The following AR variants were observed in gnomAD, a reference collection of about 807,000 sequenced individuals.
The protein encoded by AR is androgen receptor.
In AR, 8 loss-of-function variants were observed where a neutral mutation model predicts 53.9. The ratio of observed to expected loss-of-function variants is 0.15; its 90% confidence interval spans 0.09 to 0.27. The LOEUF is 0.27. Ranked by LOEUF, AR falls within the 10% of genes least tolerant of loss-of-function variation. AR has a pLI of 1.00. For missense variants in AR, 639 were observed against 742.5 expected, an observed-to-expected ratio of 0.86 and a Z score of 1.62; for synonymous variants, 359 against 316.4, an observed-to-expected ratio of 1.13 and a Z score of -1.43.
At position 67,644,215 on chromosome X, in the gene AR, T is replaced by C. The variant is rs182483821; in HGVS notation, c.1768+808T>C. Among the ~76,000 whole-genome samples, 3 of 111,943 alleles carry C rather than the reference T, an allele frequency of 2.7e-5. No individual in the cohort carries two copies. In the Admixed American group the frequency reaches 2.8e-4, roughly 11 times the overall value. ...TATATACGGTAATGTCTCCTTCCTCTAACCACCCAGGGCTTAAGCTTCCTG... is the reference window on the plus strand; with the variant it reads ...TATATACGGTAATGTCTCCTTCCTCCAACCACCCAGGGCTTAAGCTTCCTG... On this transcript the variant is annotated intron_variant, in intron 2 of 7. Coordinates refer to ENST00000374690, the MANE Select transcript of AR (RefSeq NM_000044.6).
intron 3 of AR, among the ~76,000 whole-genome samples, chrX:67,705,351 A>C (rs1360849795): frequency 9.0e-6 from 1 of 111,191 alleles, no homozygotes; most frequent in Non-Finnish European, 1.9e-5. Flanking sequence ...CTCCTTGAAG[A>C]GGTCCTTCAC....
At chrX:67,695,695 A>ACTTGCCTG in intron 3 of AR, 2 of 749,763 alleles carry the variant, frequency 2.7e-6, no homozygotes, top group South Asian at 1.4e-4. Flanking sequence ...ACTCTCCCTG[A>ACTTGCCTG]CTTGCCTGGG....
intron 1 of AR, among the ~76,000 whole-genome samples, chrX:67,624,556 A>G (rs750230478): frequency 9.0e-6 from 1 of 111,527 alleles, no homozygotes; most frequent in Admixed American, 9.6e-5. Flanking sequence ...AACCAAAGAT[A>G]TGACACAAAA....
chrX:67,629,146 C>A (rs1290610112), intron 1 of AR, among the ~76,000 whole-genome samples: 1 of 110,760 alleles, frequency 9.0e-6, no homozygotes, highest in African/African-American at 3.3e-5. Flanking sequence ...ATGATGCTGG[C>A]CTCATAAAAT....
chrX:67,661,980 C>T (rs763430406), intron 2 of AR, among the ~76,000 whole-genome samples: 1 of 111,731 alleles, frequency 9.0e-6, no homozygotes, highest in Admixed American at 9.5e-5. Flanking sequence ...TATTTGCATA[C>T]AGGTGTTTAT....
At chrX:67,612,878 G>C (rs1446422828) in intron 1 of AR, among the ~76,000 whole-genome samples, 2 of 111,892 alleles carry the variant, frequency 1.8e-5, no homozygotes, top group Admixed American at 9.5e-5. Context: ...GAAGATGGAG[G>C]CTTCCTCTCT....
intron 2 of AR, among the ~76,000 whole-genome samples, chrX:67,661,257 A>C (rs1926896680): frequency 9.0e-6 from 1 of 110,837 alleles, no homozygotes; most frequent in African/African-American, 3.3e-5. Context: ...TATGTTGAAT[A>C]GGAGTGGTGA....
intron 1 of AR, among the ~76,000 whole-genome samples, chrX:67,606,497 A>G (rs1440829903): frequency 8.9e-6 from 1 of 111,855 alleles, no homozygotes; most frequent in East Asian, 2.8e-4. Flanking sequence ...TGAAATAGAC[A>G]ACACATTATT....
intron 3 of AR, among the ~76,000 whole-genome samples, chrX:67,701,462 T>C (rs2076041791): frequency 8.9e-6 from 1 of 111,902 alleles, no homozygotes; most frequent in East Asian, 2.8e-4. Context: ...CCTCCCCATC[T>C]TTGACTTGAA....
intron 1 of AR, among the ~76,000 whole-genome samples, chrX:67,626,263 T>A (rs1056149699): frequency 2.0e-4 from 22 of 109,438 alleles, no homozygotes; most frequent in Admixed American, 4.0e-4. Flanking sequence ...TCCTCTTATC[T>A]CCATGAGTTC....
At chrX:67,610,576 A>T (rs1223006833) in intron 1 of AR, among the ~76,000 whole-genome samples, 1 of 110,927 alleles carries the variant, frequency 9.0e-6, no homozygotes, top group Non-Finnish European at 1.9e-5. Context: ...TATGCATGGT[A>T]TGTTTTCAAA....
chrX:67,566,116 G>C, intron 1 of AR, among the ~76,000 whole-genome samples: 1 of 112,286 alleles, frequency 8.9e-6, no homozygotes, highest in East Asian at 2.8e-4. Flanking sequence ...TTGAAGATTT[G>C]TTTTATCACT....
At chrX:67,695,399 A>G in intron 3 of AR, 1 of 753,285 alleles carries the variant, frequency 1.3e-6, no homozygotes, top group Non-Finnish European at 1.6e-6. Flanking sequence ...CTCTTCAAAC[A>G]CACTGAGAGA....
chrX:67,607,319 C>T (rs969950277), intron 1 of AR, among the ~76,000 whole-genome samples: 7 of 111,803 alleles, frequency 6.3e-5, no homozygotes, highest in Non-Finnish European at 7.5e-5. Flanking sequence ...TGAGCCACCG[C>T]GCCCGGCCCA....
chrX:67,633,042 A>G (rs1355768350), intron 1 of AR, among the ~76,000 whole-genome samples: 3 of 112,420 alleles, frequency 2.7e-5, no homozygotes, highest in Non-Finnish European at 3.8e-5. Flanking sequence ...AGGAGCCAGA[A>G]CCCTTATATA....
chrX:67,599,501 T>C (rs1248899899), intron 1 of AR, among the ~76,000 whole-genome samples: 2 of 111,733 alleles, frequency 1.8e-5, no homozygotes, highest in Non-Finnish European at 3.8e-5. Flanking sequence ...GTCTTCCAGT[T>C]ACCAGAATGT....
intron 3 of AR, among the ~76,000 whole-genome samples, chrX:67,691,633 A>C (rs1415302564): frequency 9.0e-6 from 1 of 110,956 alleles, no homozygotes; most frequent in African/African-American, 3.3e-5. Context: ...ATAGACAAAA[A>C]CTCTATCCTA....
chrX:67,659,675 C>T (rs908545062), intron 2 of AR, among the ~76,000 whole-genome samples: 1 of 111,810 alleles, frequency 8.9e-6, no homozygotes, highest in Non-Finnish European at 1.9e-5. Flanking sequence ...CCATGATAAA[C>T]ATACGTGTGC....
chrX:67,627,437 A>C lies in AR; in HGVS notation c.1617-15819A>C, dbSNP rs1332163686. On this transcript the variant is annotated intron_variant, in intron 1 of 7. Transcript: ENST00000374690. ...GGGTGCATAAATGTCTTCTTTTTAG[A>C]AGTGTCTGTTCATATCCTTCGCCCA... is the stretch of plus-strand genomic sequence containing the variant. 5.4e-5 allele frequency among the ~76,000 whole-genome samples: 6 copies of C among 111,819 alleles called. No individual in the cohort carries two copies. The Admixed American group carries it at 5.7e-4, about 11-fold the overall frequency.
Sources: gnomAD v4.1 joint callset for allele counts (sites outside exome capture counted in the v4.1 genomes callset) on GRCh38, gnomAD v4.1.1 for gene constraint, MANE v1.5 for transcripts, NCBI Gene and HGNC (gene_info 2026-07-23, HGNC 2026-07-21) for gene names.